Variants in NPAS3 observed in about 807,000 individuals in gnomAD.
NPAS3 encodes neuronal PAS domain protein 3.
A neutral mutation model predicts 73.1 loss-of-function variants in NPAS3; 14 were observed. The ratio of observed to expected loss-of-function variants is 0.19; its 90% CI spans 0.13 to 0.30. The LOEUF is 0.30. NPAS3 is among the 10% of genes least tolerant of loss of function. The pLI is 1.00. For synonymous variants in NPAS3, 620 were observed against 541.5 expected, an observed-to-expected ratio of 1.14 and a Z score of -2.01; for missense variants, 1,096 against 1,250.0, an observed-to-expected ratio of 0.88 and a Z score of 1.86.
intron 2 of NPAS3, among the ~76,000 whole-genome samples, chr14:33,134,172 G>C (rs1276925185): frequency 6.6e-6 from 1 of 151,262 alleles, no homozygotes; most frequent in African/African-American, 2.4e-5. Flanking sequence ...GAATTTTTGG[G>C]TGATTTTCTT....
intron 4 of NPAS3, among the ~76,000 whole-genome samples, chr14:33,521,613 C>G (rs1595078608): frequency 6.6e-6 from 1 of 151,046 alleles, no homozygotes; most frequent in East Asian, 1.9e-4. Context: ...AAAGGCATTT[C>G]TATTCGTAGC....
At chr14:33,771,599 C>T (rs993511431) in intron 7 of NPAS3, among the ~76,000 whole-genome samples, 2 of 152,086 alleles carry the variant, frequency 1.3e-5, no homozygotes, top group Non-Finnish European at 2.9e-5. Context: ...ATCACGAGAT[C>T]AGGAGATTGA....
At chr14:33,061,718 A>G (rs1458795248) in intron 2 of NPAS3, among the ~76,000 whole-genome samples, 1 of 152,178 alleles carries the variant, frequency 6.6e-6, no homozygotes, top group Non-Finnish European at 1.5e-5. Flanking sequence ...TTTCTACACG[A>G]ACTGTTCTAC....
chr14:33,667,494 T>C (rs11156807), intron 5 of NPAS3, among the ~76,000 whole-genome samples: 75,528 of 152,024 alleles, frequency 0.5, 19,759 homozygotes, highest in Non-Finnish European at 0.59. Context: ...CCCATTTTTT[T>C]CTACTTGCCA....
At chr14:33,451,122 T>G (rs2049770873) in intron 4 of NPAS3, among the ~76,000 whole-genome samples, 2 of 152,336 alleles carry the variant, frequency 1.3e-5, no homozygotes, top group South Asian at 2.1e-4. Flanking sequence ...CTCTGTGTTT[T>G]CAGTACCTTT....
At chr14:33,796,455 G>A (rs1484913967) in intron 10 of NPAS3, among the ~76,000 whole-genome samples, 1 of 152,168 alleles carries the variant, frequency 6.6e-6, no homozygotes, top group Non-Finnish European at 1.5e-5. Flanking sequence ...CCCCTCCCAG[G>A]AACATTTGCA....
intron 5 of NPAS3, among the ~76,000 whole-genome samples, chr14:33,588,995 A>G (rs977412151): frequency 6.6e-5 from 10 of 152,308 alleles, no homozygotes; most frequent in Middle Eastern, 6.8e-3. Context: ...TCCTATATTC[A>G]GACTGGCTGT....
intron 4 of NPAS3, among the ~76,000 whole-genome samples, chr14:33,438,462 T>TA (rs1220973165): frequency 1.3e-5 from 2 of 152,156 alleles, no homozygotes; most frequent in Non-Finnish European, 2.9e-5. Context: ...TTTCAATAGT[T>TA]AAACAGTAGC....
At chr14:33,252,259 A>G (rs2048615075) in intron 3 of NPAS3, among the ~76,000 whole-genome samples, 1 of 151,846 alleles carries the variant, frequency 6.6e-6, no homozygotes, top group Non-Finnish European at 1.5e-5. Context: ...AAGATACCCA[A>G]TTTTATTTCC....
intron 6 of NPAS3, among the ~76,000 whole-genome samples, chr14:33,711,307 T>C (rs951015450): frequency 5.3e-5 from 8 of 152,146 alleles, no homozygotes; most frequent in Admixed American, 2.6e-4. Context: ...TTCGTAACAA[T>C]AACTGAACTG....
intron 4 of NPAS3, among the ~76,000 whole-genome samples, chr14:33,551,143 C>T (rs151269590): frequency 1.5e-3 from 225 of 152,266 alleles, no homozygotes; most frequent in African/African-American, 5.0e-3. Flanking sequence ...TATTTGTAAC[C>T]ATCAAGTTCC....
At chr14:33,695,824 A>G (rs2060361094) in intron 6 of NPAS3, among the ~76,000 whole-genome samples, 1 of 152,194 alleles carries the variant, frequency 6.6e-6, no homozygotes, top group South Asian at 2.1e-4. Flanking sequence ...TTTCAAAATG[A>G]CCTAAAACTT....
intron 1 of NPAS3, among the ~76,000 whole-genome samples, chr14:33,036,727 T>TAA (rs148222698): frequency 6.6e-6 from 1 of 151,546 alleles, no homozygotes; most frequent in African/African-American, 2.4e-5. Context: ...TAAAAACAGT[T>TAA]AAAAAAAAAT....
intron 4 of NPAS3, among the ~76,000 whole-genome samples, chr14:33,549,117 T>C (rs775554529): frequency 7.2e-5 from 11 of 152,246 alleles, no homozygotes; most frequent in Admixed American, 2.6e-4. Flanking sequence ...ACAATTCATG[T>C]ACTAGATATA....
chr14:33,722,931 G>A (rs929308420), intron 6 of NPAS3, among the ~76,000 whole-genome samples: 7 of 152,038 alleles, frequency 4.6e-5, no homozygotes, highest in African/African-American at 7.2e-5. Context: ...TAGCTGCCCA[G>A]TCAAATTTCT....
intron 3 of NPAS3, among the ~76,000 whole-genome samples, chr14:33,236,502 C>A (rs998272126): frequency 6.6e-6 from 1 of 152,026 alleles, no homozygotes; most frequent in Non-Finnish European, 1.5e-5. Context: ...TTTGTAGAAA[C>A]AAGACTTACT....
At chr14:33,708,593 C>T (rs956314157) in intron 6 of NPAS3, among the ~76,000 whole-genome samples, 5 of 151,924 alleles carry the variant, frequency 3.3e-5, no homozygotes, top group East Asian at 1.9e-4. Context: ...AGAGTCTTAA[C>T]GACCTGGAAG....
At chr14:33,616,695 T>C (rs2057930107) in intron 5 of NPAS3, among the ~76,000 whole-genome samples, 1 of 152,156 alleles carries the variant, frequency 6.6e-6, no homozygotes, top group Non-Finnish European at 1.5e-5. Context: ...CCGCAACATT[T>C]TTGTTCAGAA....
At chr14:33,390,046 A>C (rs1025923111) in intron 4 of NPAS3, among the ~76,000 whole-genome samples, 1 of 152,192 alleles carries the variant, frequency 6.6e-6, no homozygotes, top group Non-Finnish European at 1.5e-5. Context: ...TTGTGTTAAA[A>C]AAAAGAGAAA....
Sources: gnomAD v4.1 joint callset for allele counts (sites outside exome capture counted in the v4.1 genomes callset) on GRCh38, gnomAD v4.1.1 for gene constraint, MANE v1.5 for transcripts, NCBI Gene and HGNC (gene_info 2026-07-23, HGNC 2026-07-21) for gene names.